Variants in PAK5 observed in about 807,000 individuals in gnomAD.
PAK5 encodes serine/threonine-protein kinase PAK 5.
In PAK5, 16 loss-of-function variants were observed where a neutral mutation model predicts 65.9. The observed-to-expected ratio is 0.24, with a 90% CI of 0.16 to 0.37. PAK5 has a LOEUF of 0.37. Ranked by LOEUF, PAK5 falls within the 10% of genes least tolerant of loss-of-function variation. The pLI is 1.00. For missense variants in PAK5, 785 were observed against 903.9 expected, an observed-to-expected ratio of 0.87 and a Z score of 1.69; for synonymous variants, 371 against 354.9, an observed-to-expected ratio of 1.05 and a Z score of -0.51.
intron 3 of PAK5, among the ~76,000 whole-genome samples, chr20:9,611,191 AGTG>A (rs1005822312): frequency 6.6e-6 from 1 of 152,238 alleles, no homozygotes; most frequent in African/African-American, 2.4e-5. Flanking sequence ...TAGGCAGAGA[AGTG>A]GTAATGCCGG....
intron 2 of PAK5, among the ~76,000 whole-genome samples, chr20:9,704,615 C>T (rs1360630966): frequency 1.3e-5 from 2 of 152,130 alleles, no homozygotes; most frequent in Non-Finnish European, 2.9e-5. Context: ...TTGTCTGCAA[C>T]TACTTGTTTT....
chr20:9,671,152 T>C (rs1255690297), intron 2 of PAK5, among the ~76,000 whole-genome samples: 2 of 152,218 alleles, frequency 1.3e-5, no homozygotes, highest in East Asian at 1.9e-4. Context: ...TTGGTACCAG[T>C]AGCATGCTGT....
At chr20:9,582,865 T>C (rs1274953669) in intron 3 of PAK5, among the ~76,000 whole-genome samples, 1 of 152,224 alleles carries the variant, frequency 6.6e-6, no homozygotes, top group Non-Finnish European at 1.5e-5. Flanking sequence ...ATTTGCCTTG[T>C]TGCTCAAATG....
chr20:9,787,608 C>T (rs188372045), intron 1 of PAK5, among the ~76,000 whole-genome samples: 5 of 145,606 alleles, frequency 3.4e-5, no homozygotes, highest in African/African-American at 1.3e-4. Context: ...CTCTGCATGG[C>T]TATGAAAAGG....
chr20:9,766,958 T>C (rs1158992046), intron 1 of PAK5, among the ~76,000 whole-genome samples: 2 of 151,972 alleles, frequency 1.3e-5, no homozygotes, highest in Non-Finnish European at 2.9e-5. Context: ...AGAGACAAAC[T>C]TTGTTTTCCT....
At chr20:9,565,428 G>T (rs997596647) in intron 5 of PAK5, among the ~76,000 whole-genome samples, 2 of 152,128 alleles carry the variant, frequency 1.3e-5, no homozygotes, top group African/African-American at 4.8e-5. Flanking sequence ...CTGGTCTACT[G>T]TTTTAAAAAT....
At chr20:9,614,217 C>T (rs144636731) in intron 3 of PAK5, among the ~76,000 whole-genome samples, 4 of 152,222 alleles carry the variant, frequency 2.6e-5, no homozygotes, top group East Asian at 1.9e-4. Flanking sequence ...ATGCTTCTCA[C>T]GGGCTCATTA....
At chr20:9,666,698 A>AC (rs1569029265) in intron 2 of PAK5, among the ~76,000 whole-genome samples, 2 of 152,182 alleles carry the variant, frequency 1.3e-5, no homozygotes, top group African/African-American at 4.8e-5. Context: ...ACAAAACAAA[A>AC]AAACAAATAG....
At chr20:9,699,771 A>G (rs78121935) in intron 2 of PAK5, among the ~76,000 whole-genome samples, 1,641 of 152,184 alleles carry the variant, frequency 0.011, 17 homozygotes, top group Middle Eastern at 0.044. Flanking sequence ...ATCGTGTCAC[A>G]TGGGGAATCA....
intron 1 of PAK5, among the ~76,000 whole-genome samples, chr20:9,835,364 T>C (rs183017538): frequency 4.5e-4 from 68 of 152,148 alleles, no homozygotes; most frequent in Non-Finnish European, 4.9e-4. Context: ...AAGGGATGAG[T>C]ATGACCCAGA....
At chr20:9,803,435 G>T (rs1347851546) in intron 1 of PAK5, among the ~76,000 whole-genome samples, 1 of 152,116 alleles carries the variant, frequency 6.6e-6, no homozygotes, top group Non-Finnish European at 1.5e-5. Context: ...TTTCCTGAGA[G>T]AATATAGGGA....
At chr20:9,542,775 A>C (rs2045287869) in intron 8 of PAK5, 55 bp from the exon 9 acceptor site, 1 of 1,536,534 alleles carries the variant, frequency 6.5e-7, no homozygotes, top group African/African-American at 1.4e-5. Context: ...CTGAAATGTC[A>C]AGTGTGTCCA....
At chr20:9,740,417 A>G (rs1049816556) in intron 1 of PAK5, among the ~76,000 whole-genome samples, 4 of 152,188 alleles carry the variant, frequency 2.6e-5, no homozygotes, top group Non-Finnish European at 4.4e-5. Context: ...GGTAACCTGT[A>G]GATTTGGTAA....
At chr20:9,571,880 G>GC (rs1555897704) in intron 4 of PAK5, among the ~76,000 whole-genome samples, 6 of 144,518 alleles carry the variant, frequency 4.2e-5, no homozygotes, top group Admixed American at 6.9e-5. Context: ...ATGATGGGGG[G>GC]GGGGGATGTG....
intron 2 of PAK5, among the ~76,000 whole-genome samples, chr20:9,674,938 G>T (rs2047548751): frequency 6.6e-6 from 1 of 152,176 alleles, no homozygotes; most frequent in African/African-American, 2.4e-5. Context: ...CAGAGAAGGA[G>T]CTAGCTGCAG....
At chr20:9,696,115 G>A (rs550352658) in intron 2 of PAK5, among the ~76,000 whole-genome samples, 2 of 152,160 alleles carry the variant, frequency 1.3e-5, no homozygotes, top group South Asian at 4.2e-4. Flanking sequence ...GGGTAACCCA[G>A]CCATAGACAG....
At chr20:9,648,977 A>C (rs2047169845) in intron 2 of PAK5, among the ~76,000 whole-genome samples, 1 of 152,094 alleles carries the variant, frequency 6.6e-6, no homozygotes, top group Non-Finnish European at 1.5e-5. Flanking sequence ...ACTGCTCAGC[A>C]CCCATGTAAA....
rs1436715060 is a variant in PAK5, at chr20:9,766,310, TATATATATATTCTACTTACTTGA to T, written c.-161-54898_-161-54876del. On this transcript the variant is annotated intron_variant, in intron 1 of 9. Coordinates refer to ENST00000353224, the MANE Select transcript of PAK5 (RefSeq NM_177990.4). Reference sequence around the variant, plus strand: ...TGAATATATATATATTCTACTTGAATATATATATATTCTACTTACTTGAATATATATATTCTACTTACTTGAAT... The same window carrying T: ...TGAATATATATATATTCTACTTGAATATATATATATTCTACTTACTTGAAT... Among the ~76,000 whole-genome samples, 145 of 142,694 alleles carry T rather than the reference TATATATATATTCTACTTACTTGA, an allele frequency of 1.0e-3. 6 individuals carry two copies. The highest frequency in any genetic ancestry group is 2.1e-3 in the Non-Finnish European group (135 of 65,526). The allele number at this position is 142,694 out of a possible 152,430, so 93.6% of individuals were successfully genotyped here. A position where few individuals can be genotyped will look rare whatever the true frequency, so the allele number is the denominator to read the frequency against.
At chr20:9,738,626 G>A (rs973515969) in intron 1 of PAK5, among the ~76,000 whole-genome samples, 2 of 152,272 alleles carry the variant, frequency 1.3e-5, no homozygotes, top group East Asian at 1.9e-4. Flanking sequence ...AACATACAGT[G>A]TCAGAAAGAA....
Sources: gnomAD v4.1 joint callset for allele counts (sites outside exome capture counted in the v4.1 genomes callset) on GRCh38, gnomAD v4.1.1 for gene constraint, MANE v1.5 for transcripts, NCBI Gene and HGNC (gene_info 2026-07-23, HGNC 2026-07-21) for gene names.